DNAH12: variants seen among roughly 807,000 people sequenced by gnomAD.
The protein encoded by DNAH12 is axonemal beta dynein heavy chain 12.
Under a neutral mutation model 371.5 loss-of-function variants are expected in DNAH12, and 285 were observed. The ratio of observed to expected loss-of-function variants is 0.77; its 90% CI spans 0.70 to 0.85. DNAH12 has a LOEUF of 0.85. Among genes scored for constraint, DNAH12 ranks in the 40% least tolerant of loss-of-function variants. The pLI is 0.00. For missense variants in DNAH12, 3,611 were observed against 3,689.4 expected, an observed-to-expected ratio of 0.98 and a Z score of 0.55; for synonymous variants, 1,200 against 1,213.0, an observed-to-expected ratio of 0.99 and a Z score of 0.22.
At chr3:57,507,884 T>C (rs757187565) in intron 7 of DNAH12, 46 bp from the exon 8 acceptor site, 11 of 1,507,024 alleles carry the variant, frequency 7.3e-6, no homozygotes, top group Non-Finnish European at 8.8e-6. Context: ...ATGATACATA[T>C]TGGTCTTAAA....
rs1404118638 is a variant in DNAH12 at position 57,384,885 on chromosome 3, G to A, written c.7804C>T (p.Leu2602=). ...TCCAAGGCTGGAATCGCCTCAGCTAGGTCACTTTCACACTCATTTTTCAGA... is the reference window on the plus strand; with the variant it reads ...TCCAAGGCTGGAATCGCCTCAGCTAAGTCACTTTCACACTCATTTTTCAGA... The part of the protein sequence containing the change: ...QALKNECESD[L]AEAIPALEAA... The change falls in exon 49 of 74, where the codon CTA becomes TTA. Residue 2602 remains leucine (L), a synonymous_variant. Transcript: ENST00000495027. 2.6e-5 allele frequency: 4 copies of A among 152,148 alleles called. No homozygotes were observed. The highest frequency in any genetic ancestry group is 4.4e-5 in the Non-Finnish European group (3 of 68,016). The allele number at this position is 152,148 out of a possible 1,614,324, so 9.4% of individuals were successfully genotyped here.
chr3:57,373,083 C>T lies in DNAH12; in HGVS notation c.8759+2288G>A, dbSNP rs2063208715. The stretch of plus-strand genomic sequence containing the variant: ...GTCCAAAAATGCAAAAAGAAGGAAG[C>T]AAACACGAGAGTCCTAACTGTAAAA... On this transcript the variant is annotated intron_variant, in intron 55 of 73. Transcript: ENST00000495027. Among the ~76,000 whole-genome samples the T allele has an allele frequency of 2.0e-5, 3 of 152,176 alleles. No homozygotes were observed. In the East Asian group the frequency reaches 5.8e-4, roughly 29 times the overall value.
chr3:57,458,518 C>T (rs941242308), intron 20 of DNAH12, among the ~76,000 whole-genome samples: 2 of 152,092 alleles, frequency 1.3e-5, no homozygotes, highest in Admixed American at 6.6e-5. Flanking sequence ...GGCTGGTGCT[C>T]GATTTAATTC....
intron 41 of DNAH12, 96 bp downstream of exon 41, chr3:57,405,557 G>T: frequency 7.6e-7 from 1 of 1,321,602 alleles, no homozygotes. Flanking sequence ...AAAAGAATAT[G>T]TTCATTAAGA....
chr3:57,446,572 A>G lies in DNAH12; in HGVS notation c.3904T>C (p.Cys1302Arg). The change falls in exon 26 of 74, where the codon TGT becomes CGT. Residue 1302 changes from cysteine (C) to arginine (R), a missense_variant. By Grantham distance (180) the Cys-to-Arg change is radical. Transcript: ENST00000495027. ...ALAVQCVVFN[C>R]SDGLDYLAMG... ...GCTAGATAATCTAGCCCATCAGAAC[A>G]GTTGAACACCACACACTGTACAGCA... 1 of 1,543,702 alleles carries G rather than the reference A, an allele frequency of 6.5e-7. No homozygotes were observed. The highest frequency in any genetic ancestry group is 1.2e-5 in the South Asian group (1 of 81,788).
intron 50 of DNAH12, among the ~76,000 whole-genome samples, chr3:57,381,040 A>G (rs1427377134): frequency 3.3e-5 from 5 of 152,198 alleles, no homozygotes; most frequent in Admixed American, 6.6e-5. Flanking sequence ...TAAGAAAAGT[A>G]GCAAACTTTT....
At chr3:57,435,808 A>G (rs1333757397) in intron 30 of DNAH12, among the ~76,000 whole-genome samples, 2 of 152,136 alleles carry the variant, frequency 1.3e-5, no homozygotes, top group African/African-American at 2.4e-5. Flanking sequence ...CATAATAAAT[A>G]ATATTTAAAA....
chr3:57,369,777 A>T (rs1465935120), intron 55 of DNAH12, among the ~76,000 whole-genome samples: 1 of 152,138 alleles, frequency 6.6e-6, no homozygotes, highest in African/African-American at 2.4e-5. Flanking sequence ...TTATTATTGG[A>T]AAAATACAGT....
At chr3:57,482,537 A>G (rs2066780486) in intron 13 of DNAH12, among the ~76,000 whole-genome samples, 1 of 152,152 alleles carries the variant, frequency 6.6e-6, no homozygotes, top group African/African-American at 2.4e-5. Context: ...ATCTAGAACT[A>G]GAAATACCAT....
At chr3:57,321,281 T>A (rs183314243) in intron 65 of DNAH12, among the ~76,000 whole-genome samples, 6 of 152,270 alleles carry the variant, frequency 3.9e-5, no homozygotes, top group Admixed American at 3.9e-4. Flanking sequence ...AACAAAATTA[T>A]GGCGCAGAAC....
intron 43 of DNAH12, among the ~76,000 whole-genome samples, chr3:57,398,739 C>G (rs1023347524): frequency 0.091 from 13,768 of 152,092 alleles, 2,088 homozygotes; most frequent in African/African-American, 0.31. Context: ...TAAAACCTTT[C>G]CAGATGAACA....
At position 57,301,729 on chromosome 3, in the gene DNAH12, T is replaced by G; in HGVS notation, c.11394+6A>C. 1 of 1,455,802 alleles carries G rather than the reference T, an allele frequency of 6.9e-7. No individual in the cohort carries two copies. The highest frequency in any genetic ancestry group is 9.3e-7 in the Non-Finnish European group (1 of 1,075,686). 90.2% of individuals were successfully genotyped at this position (1,455,802 alleles called of 1,614,324 possible). On this transcript the variant is annotated splice_donor_region_variant and intron_variant, in intron 70 of 73. Coordinates refer to ENST00000495027, the MANE Select transcript of DNAH12 (RefSeq NM_001366028.2). Reference sequence around the variant, plus strand: ...ACACACACACACACACACACACACATTTTACCTGTAAAAAGTTCAACCGGG... The same window carrying G: ...ACACACACACACACACACACACACAGTTTACCTGTAAAAAGTTCAACCGGG...
intron 13 of DNAH12, 89 bp from the exon 14 acceptor site, chr3:57,472,760 C>T (rs2066404221): frequency 1.5e-6 from 2 of 1,342,000 alleles, no homozygotes. Context: ...CTCTAATACC[C>T]TTTCAGATTT....
chr3:57,295,740 CAATG>C, intron 72 of DNAH12, 148 bp from the exon 73 acceptor site: 1 of 672,512 alleles, frequency 1.5e-6, no homozygotes, highest in African/African-American at 1.8e-5. Context: ...GAGAAAATGG[CAATG>C]AAGAATTGAG....
At chr3:57,444,128 G>C (rs1377638125) in intron 29 of DNAH12, among the ~76,000 whole-genome samples, 1 of 152,000 alleles carries the variant, frequency 6.6e-6, no homozygotes, top group East Asian at 1.9e-4. Context: ...TTGAACCTGG[G>C]AGGCAGAGCT....
chr3:57,521,054 A>G (rs1258131215), intron 4 of DNAH12, among the ~76,000 whole-genome samples: 3 of 108,890 alleles, frequency 2.8e-5, no homozygotes, highest in Non-Finnish European at 5.2e-5. Flanking sequence ...ACAAAGTGAG[A>G]CTCTGTCTCA....
In DNAH12 at chr3:57,403,610, T is replaced by A. The variant is rs531690435; in HGVS notation, c.6756-109A>T. The A allele has an allele frequency of 6.7e-5, 67 of 1,003,152 alleles. No individual in the cohort carries two copies. In the African/African-American group the frequency reaches 9.6e-4, roughly 14 times the overall value. 62.1% of individuals were successfully genotyped at this position (1,003,152 alleles called of 1,614,324 possible). ...AGAAGAATGTGACTCTGCTGTCCCA[T>A]ATGTTACTATCCCAATTTTAAAGAG... is the stretch of plus-strand genomic sequence containing the variant. On this transcript the variant is annotated intron_variant, in intron 42 of 73. Coordinates refer to ENST00000495027, the MANE Select transcript of DNAH12 (RefSeq NM_001366028.2).
At chr3:57,335,121 G>A (rs2062193025) in intron 60 of DNAH12, among the ~76,000 whole-genome samples, 181 bp from the exon 61 acceptor site, 1 of 152,198 alleles carries the variant, frequency 6.6e-6, no homozygotes, top group Non-Finnish European at 1.5e-5. Flanking sequence ...TCAATAGCCA[G>A]TGCAGGACTG....
At chr3:57,552,500 T>G in the DNAH12 span, among the ~76,000 whole-genome samples, 2 of 152,268 alleles carry the variant, frequency 1.3e-5, no homozygotes. Flanking sequence ...TTACTTGTTC[T>G]TAACAACTGT....
Sources: allele counts gnomAD v4.1 joint callset (sites outside exome capture counted in the v4.1 genomes callset), GRCh38; gene constraint gnomAD v4.1.1; transcripts MANE v1.5; gene names NCBI Gene and HGNC (gene_info 2026-07-23, HGNC 2026-07-21).